The following DTD1 variants were observed in gnomAD, a reference collection of about 807,000 sequenced individuals.
DTD1 encodes the protein D-aminoacyl-tRNA deacylase 1.
In DTD1, 13 loss-of-function variants were observed where a neutral mutation model predicts 25.6. The ratio of observed to expected loss-of-function variants is 0.51; its 90% CI spans 0.33 to 0.81. The LOEUF is 0.81. Among genes scored for constraint, DTD1 ranks in the 30% least tolerant of loss-of-function variants. The pLI, the probability that DTD1 is intolerant of heterozygous loss-of-function variation, is 0.02. For synonymous variants in DTD1, 110 were observed against 103.6 expected, an observed-to-expected ratio of 1.06 and a Z score of -0.37; for missense variants, 193 against 266.4, an observed-to-expected ratio of 0.72 and a Z score of 1.92.
intron 4 of DTD1, among the ~76,000 whole-genome samples, chr20:18,731,399 G>A (rs970791367): frequency 2.6e-5 from 4 of 152,268 alleles, no homozygotes; most frequent in Non-Finnish European, 5.9e-5. Context: ...CACTGTGTGT[G>A]CTTTCTTTCT....
At chr20:18,609,006 AT>A (rs557594213) in intron 3 of DTD1, among the ~76,000 whole-genome samples, 9 of 151,368 alleles carry the variant, frequency 5.9e-5, no homozygotes, top group Admixed American at 4.0e-4. Flanking sequence ...TAAGAAAAAA[AT>A]TTTTTTTTTA....
At chr20:18,628,306 C>T (rs2060768178) in intron 4 of DTD1, 73 bp downstream of exon 4, 1 of 1,134,686 alleles carries the variant, frequency 8.8e-7, no homozygotes, top group Non-Finnish European at 1.3e-6. Context: ...TGGAAGAGTC[C>T]TCGGTCTGAG....
chr20:18,733,287 C>T (rs1254599823), intron 4 of DTD1, among the ~76,000 whole-genome samples: 2 of 152,156 alleles, frequency 1.3e-5, no homozygotes, highest in East Asian at 1.9e-4. Flanking sequence ...CTGCCCTATA[C>T]TCAGGCCTTG....
At chr20:18,690,226 T>A (rs552017876) in intron 4 of DTD1, among the ~76,000 whole-genome samples, 1 of 152,122 alleles carries the variant, frequency 6.6e-6, no homozygotes, top group South Asian at 2.1e-4. Flanking sequence ...TAAAAATTTC[T>A]TGTAGATTTT....
chr20:18,628,114 A>C lies in DTD1; in HGVS notation c.371-13A>C, dbSNP rs1441647219. ...GTCTCCATCTTTGGTAACTGTTTGG[A>C]TTGCTTTTTCAGATGGCAAGTTTGG... On this transcript the variant is annotated splice_polypyrimidine_tract_variant and intron_variant, in intron 3 of 5. Transcript: ENST00000377452. 2 of 1,611,350 alleles carry C rather than the reference A, an allele frequency of 1.2e-6. No homozygotes were observed. Among genetic ancestry groups the C allele is most frequent in the Non-Finnish European group, 1.7e-6 (2 of 1,177,992 alleles).
intron 4 of DTD1, among the ~76,000 whole-genome samples, chr20:18,706,960 C>G (rs8115330): frequency 0.34 from 51,489 of 152,024 alleles, 9,097 homozygotes; most frequent in Non-Finnish European, 0.4. Flanking sequence ...ATCAGGTGTG[C>G]CCCCTGGAGA....
chr20:18,752,131 G>T (rs1253313746), intron 5 of DTD1, among the ~76,000 whole-genome samples: 2 of 151,880 alleles, frequency 1.3e-5, no homozygotes, highest in Admixed American at 1.3e-4. Flanking sequence ...TTTGTCTTTG[G>T]TTTTCCGCAG....
intron 4 of DTD1, among the ~76,000 whole-genome samples, chr20:18,648,315 C>T (rs1281071318): frequency 6.6e-6 from 1 of 152,148 alleles, no homozygotes; most frequent in Non-Finnish European, 1.5e-5. Flanking sequence ...TGTGAAAATT[C>T]CCAGTGCATA....
At chr20:18,763,040 A>G (rs779751376) in intron 5 of DTD1, among the ~76,000 whole-genome samples, 1 of 152,292 alleles carries the variant, frequency 6.6e-6, no homozygotes, top group Admixed American at 6.5e-5. Flanking sequence ...CATTTACTTC[A>G]AAGTATTTTC....
chr20:18,689,838 A>G (rs2061035070), intron 4 of DTD1, among the ~76,000 whole-genome samples: 1 of 152,174 alleles, frequency 6.6e-6, no homozygotes, highest in African/African-American at 2.4e-5. Flanking sequence ...ATTTTTTCAT[A>G]AGTTTAAATT....
At chr20:18,759,892 C>A (rs1227339470) in intron 5 of DTD1, among the ~76,000 whole-genome samples, 3 of 152,212 alleles carry the variant, frequency 2.0e-5, no homozygotes, top group Admixed American at 6.5e-5. Flanking sequence ...TAGATTTGGT[C>A]TTTTCACATA....
Position 18,740,315 on chromosome 20 carries a change from TTTTTG to T in DTD1, c.478-3765_478-3761del, listed in dbSNP as rs928038619. ...CTGTTGATATTCACATTTTGTTTTT[TTTTTG>T]TTTTGTTTTGTTTTGTTTTTAATCT... On this transcript the variant is annotated intron_variant, in intron 4 of 5. Coordinates refer to ENST00000377452, the MANE Select transcript of DTD1 (RefSeq NM_080820.6). Among the ~76,000 whole-genome samples, 22 of 152,226 alleles carry T rather than the reference TTTTTG, an allele frequency of 1.4e-4. 1 individual carries two copies. Among genetic ancestry groups the T allele is most frequent in the Admixed American group, 6.5e-5 (1 of 15,286 alleles).
chr20:18,664,767 G>A (rs772476779), intron 4 of DTD1, among the ~76,000 whole-genome samples: 2 of 152,228 alleles, frequency 1.3e-5, no homozygotes, highest in Non-Finnish European at 2.9e-5. Context: ...TGTGGGGTGT[G>A]TTGTGTGTGA....
Position 18,593,722 on chromosome 20 carries a change from C to G in DTD1, c.44-9C>G, listed in dbSNP as rs180699650. On this transcript the variant is annotated splice_polypyrimidine_tract_variant and intron_variant, in intron 1 of 5. Transcript: ENST00000377452. ...CTGAGTTCTTCTCTCCCTTTTGGTT[C>G]CTTTCTAGTTGGAGGAGAGCAGATT... is the stretch of plus-strand genomic sequence containing the variant. 15 of 1,611,532 alleles carry G rather than the reference C, an allele frequency of 9.3e-6. No homozygotes were observed. In the East Asian group the frequency reaches 3.1e-4, roughly 34 times the overall value.
chr20:18,720,796 T>C (rs2061199738), intron 4 of DTD1, among the ~76,000 whole-genome samples: 1 of 152,150 alleles, frequency 6.6e-6, no homozygotes, highest in Non-Finnish European at 1.5e-5. Flanking sequence ...TGGTCAAAGC[T>C]GCAGTGAGCC....
At chr20:18,671,391 A>C (rs1303424624) in intron 4 of DTD1, among the ~76,000 whole-genome samples, 3 of 152,148 alleles carry the variant, frequency 2.0e-5, no homozygotes, top group Non-Finnish European at 4.4e-5. Context: ...CCTCCTTTTC[A>C]TTATTTCTCA....
chr20:18,591,372 C>T (rs1255604955), intron 1 of DTD1, among the ~76,000 whole-genome samples: 1 of 152,086 alleles, frequency 6.6e-6, no homozygotes. Context: ...CTGTTATTTA[C>T]TGAGGTGAAA....
intron 3 of DTD1, among the ~76,000 whole-genome samples, chr20:18,618,605 A>G (rs906059031): frequency 6.7e-6 from 1 of 149,988 alleles, no homozygotes; most frequent in Non-Finnish European, 1.5e-5. Context: ...ATACATACAT[A>G]TGTGTGTGTA....
At chr20:18,595,116 C>A (rs1378894442) in intron 2 of DTD1, among the ~76,000 whole-genome samples, 2 of 152,178 alleles carry the variant, frequency 1.3e-5, no homozygotes, top group Non-Finnish European at 2.9e-5. Flanking sequence ...ACTTTCTTGC[C>A]ATGGTGACTA....
Sources: allele counts gnomAD v4.1 joint callset (sites outside exome capture counted in the v4.1 genomes callset), GRCh38; gene constraint gnomAD v4.1.1; transcripts MANE v1.5; gene names NCBI Gene and HGNC (gene_info 2026-07-23, HGNC 2026-07-21).